The following PPP1R16B variants were observed in gnomAD, a reference collection of about 807,000 sequenced individuals.
PPP1R16B encodes the protein protein phosphatase 1 regulatory subunit 16B.
A neutral mutation model predicts 61.7 loss-of-function variants in PPP1R16B; 14 were observed. That is an observed-to-expected ratio of 0.23 (90% CI 0.15 to 0.35). PPP1R16B has a LOEUF of 0.35. Ranked by LOEUF, PPP1R16B falls within the 10% of genes least tolerant of loss-of-function variation. The pLI is 1.00. For missense variants in PPP1R16B, 547 were observed against 752.5 expected, an observed-to-expected ratio of 0.73 and a Z score of 3.19; for synonymous variants, 266 against 305.3, an observed-to-expected ratio of 0.87 and a Z score of 1.34.
At chr20:38,900,547 C>A in intron 4 of PPP1R16B, 34 bp from the exon 5 acceptor site, 1 of 1,567,456 alleles carries the variant, frequency 6.4e-7, no homozygotes, top group South Asian at 1.2e-5. Flanking sequence ...CTAGCCACAC[C>A]TACTTGGCCC....
Position 38,907,974 on chromosome 20 carries a change from G to C in PPP1R16B, c.1028+39G>C. 1.2e-6 allele frequency: 2 copies of C among 1,613,922 alleles called. No individual in the cohort carries two copies. The highest frequency in any genetic ancestry group is 1.7e-6 in the Non-Finnish European group (2 of 1,179,882). On this transcript the variant is annotated intron_variant, in intron 9 of 10. Coordinates refer to ENST00000299824, the MANE Select transcript of PPP1R16B (RefSeq NM_015568.4). This position sits in a 1 kb window ranked among gnomAD's most constrained non-coding sequence, Gnocchi z 4.5. ...AGGGCAGCCAGGAGTCCCTGTGTGT[G>C]CTCCTGCCTGTGGTGCCTGGGTGCA...
chr20:38,872,566 T>G (rs777549012), intron 2 of PPP1R16B, among the ~76,000 whole-genome samples: 4 of 152,170 alleles, frequency 2.6e-5, no homozygotes, highest in Non-Finnish European at 4.4e-5. Flanking sequence ...CCTGCAGGGT[T>G]CCTGATCCAG....
chr20:38,905,261 A>G (rs540660328), intron 6 of PPP1R16B, among the ~76,000 whole-genome samples: 1 of 152,302 alleles, frequency 6.6e-6, no homozygotes, highest in South Asian at 2.1e-4. Context: ...ATGTTGCAAT[A>G]TTGTTGAGAC....
At chr20:38,891,990 T>A (rs2085296129) in intron 3 of PPP1R16B, among the ~76,000 whole-genome samples, 1 of 152,002 alleles carries the variant, frequency 6.6e-6, no homozygotes, top group Non-Finnish European at 1.5e-5. Flanking sequence ...AAATGGATTT[T>A]GAAGTTTATT....
At chr20:38,853,683 A>G (rs766017629) in intron 2 of PPP1R16B, among the ~76,000 whole-genome samples, 1 of 152,128 alleles carries the variant, frequency 6.6e-6, no homozygotes, top group Non-Finnish European at 1.5e-5. Context: ...TTATTTCTCA[A>G]TGATTCTTTG....
In PPP1R16B at chr20:38,855,979, G is replaced by GA. The variant is rs1555804348; in HGVS notation, c.250+19805dup. On this transcript the variant is annotated intron_variant, in intron 2 of 10. Transcript: ENST00000299824. The stretch of plus-strand genomic sequence containing the variant: ...AGAGAGAGAGAGAGAGAGAGAGAGA[G>GA]AGAAGGAGGAGGAGAGAGACCAGGA... Among the ~76,000 whole-genome samples the GA allele has an allele frequency of 1.6e-3, 94 of 58,804 alleles. 5 individuals are homozygous for GA. The highest frequency in any genetic ancestry group is 0.013 in the Middle Eastern group (2 of 150). The allele number at this position is 58,804 out of a possible 152,430, so 38.6% of individuals were successfully genotyped here. A position where few individuals can be genotyped will look rare whatever the true frequency, so the allele number is the denominator to read the frequency against.
chr20:38,909,053 G>A (rs2085468834), intron 10 of PPP1R16B, among the ~76,000 whole-genome samples: 1 of 152,072 alleles, frequency 6.6e-6, no homozygotes, highest in Non-Finnish European at 1.5e-5. Context: ...TCAGGCTGGA[G>A]TGCAGTGGCA....
chr20:38,905,478 A>G (rs1287345830), intron 6 of PPP1R16B, among the ~76,000 whole-genome samples: 1 of 152,202 alleles, frequency 6.6e-6, no homozygotes, highest in Non-Finnish European at 1.5e-5. Flanking sequence ...CCAAGACAAC[A>G]TAAAGTAGAA....
At chr20:38,876,066 G>A (rs2085164014) in intron 2 of PPP1R16B, among the ~76,000 whole-genome samples, 1 of 145,516 alleles carries the variant, frequency 6.9e-6, no homozygotes, top group African/African-American at 2.6e-5. Flanking sequence ...TCCGCCTCCC[G>A]GGTTCGGGCG....
intron 2 of PPP1R16B, among the ~76,000 whole-genome samples, chr20:38,864,608 T>C (rs898283730): frequency 6.6e-6 from 1 of 152,150 alleles, no homozygotes; most frequent in African/African-American, 2.4e-5. Flanking sequence ...GGTTTAGAAC[T>C]GAACCGCCAC....
At chr20:38,873,757 G>A (rs76310508) in intron 2 of PPP1R16B, among the ~76,000 whole-genome samples, 1 of 53,608 alleles carries the variant, frequency 1.9e-5, no homozygotes, top group South Asian at 8.5e-4. Flanking sequence ...TTTTTTTTTT[G>A]AGATGGAGTC....
At chr20:38,822,806 A>T (rs2084781336) in intron 1 of PPP1R16B, among the ~76,000 whole-genome samples, 1 of 152,214 alleles carries the variant, frequency 6.6e-6, no homozygotes, top group Non-Finnish European at 1.5e-5. Context: ...CAAGTATGAA[A>T]CAGAGTGTTC....
chr20:38,889,458 G>A (rs1027503842), intron 2 of PPP1R16B, 137 bp from the exon 3 acceptor site: 6 of 735,842 alleles, frequency 8.2e-6, no homozygotes, highest in Middle Eastern at 4.8e-4. Context: ...CTGGGCGTCA[G>A]TTGTCTCATC....
At chr20:38,871,575 A>C (rs1221111081) in intron 2 of PPP1R16B, among the ~76,000 whole-genome samples, 2 of 135,866 alleles carry the variant, frequency 1.5e-5, no homozygotes, top group East Asian at 5.2e-4. Flanking sequence ...AGAGTAAGGA[A>C]GAGAGGAACG....
At chr20:38,887,782 A>G (rs1247696982) in intron 2 of PPP1R16B, among the ~76,000 whole-genome samples, 1 of 152,242 alleles carries the variant, frequency 6.6e-6, no homozygotes, top group African/African-American at 2.4e-5. Context: ...GGCTATGCAT[A>G]CTGGGCAGGT....
At chr20:38,820,888 A>AT (rs1568652716) in intron 1 of PPP1R16B, among the ~76,000 whole-genome samples, 2 of 151,318 alleles carry the variant, frequency 1.3e-5, no homozygotes, top group Non-Finnish European at 2.9e-5. Context: ...TATATATATA[A>AT]AAATTAGCTA....
intron 2 of PPP1R16B, among the ~76,000 whole-genome samples, chr20:38,852,510 G>A (rs2084975620): frequency 6.6e-6 from 1 of 152,090 alleles, no homozygotes; most frequent in South Asian, 2.1e-4. Context: ...GGATCTTGGG[G>A]ATATTTAACC....
intron 2 of PPP1R16B, among the ~76,000 whole-genome samples, chr20:38,854,299 G>T (rs1568662901): frequency 6.6e-6 from 1 of 152,170 alleles, no homozygotes; most frequent in Non-Finnish European, 1.5e-5. Context: ...GGGCAATGGC[G>T]CATATGCTGA....
chr20:38,889,293 G>C (rs960313775), intron 2 of PPP1R16B, among the ~76,000 whole-genome samples: 2 of 152,236 alleles, frequency 1.3e-5, no homozygotes, highest in East Asian at 3.8e-4. Flanking sequence ...AACCTCCAGA[G>C]TGTATGCTTT....
Sources: gnomAD v4.1 joint callset for allele counts (sites outside exome capture counted in the v4.1 genomes callset) on GRCh38, gnomAD v4.1.1 for gene constraint, Gnocchi (gnomAD v3.1) non-coding constraint, MANE v1.5 for transcripts, NCBI Gene and HGNC (gene_info 2026-07-23, HGNC 2026-07-21) for gene names.